CLSTN2: variants seen among roughly 807,000 people sequenced by gnomAD.
CLSTN2 encodes the protein calsyntenin 2, also known as calsyntenin-2.
In CLSTN2, 48 loss-of-function variants were observed where a neutral mutation model predicts 101.2. The observed-to-expected ratio is 0.47, with a 90% confidence interval of 0.38 to 0.60. The LOEUF (loss-of-function observed/expected upper bound fraction) is 0.60, where lower values mean the gene tolerates loss of function less well. Ranked by LOEUF, CLSTN2 falls within the 20% of genes least tolerant of loss-of-function variation. The pLI is 0.00. For synonymous variants in CLSTN2, 481 were observed against 463.6 expected, an observed-to-expected ratio of 1.04 and a Z score of -0.48; for missense variants, 1,160 against 1,238.2, an observed-to-expected ratio of 0.94 and a Z score of 0.95.
chr3:140,528,923 C>CT (rs1425091523), intron 8 of CLSTN2, among the ~76,000 whole-genome samples: 4 of 152,252 alleles, frequency 2.6e-5, no homozygotes, highest in Non-Finnish European at 5.9e-5. Flanking sequence ...TATCTCATAA[C>CT]TTCTGTATCT....
intron 2 of CLSTN2, among the ~76,000 whole-genome samples, chr3:140,392,911 C>T (rs1378278837): frequency 6.6e-6 from 1 of 151,714 alleles, no homozygotes; most frequent in East Asian, 1.9e-4. Flanking sequence ...CTGGTGAGGC[C>T]CTTCTTGCCG....
At chr3:140,109,678 C>T (rs1178262683) in intron 1 of CLSTN2, among the ~76,000 whole-genome samples, 1 of 152,144 alleles carries the variant, frequency 6.6e-6, no homozygotes, top group Non-Finnish European at 1.5e-5. Flanking sequence ...TCTTAGGGAA[C>T]TAAGGAAGTT....
At chr3:139,965,340 C>T (rs143930008) in intron 1 of CLSTN2, among the ~76,000 whole-genome samples, 51 of 152,240 alleles carry the variant, frequency 3.3e-4, no homozygotes, top group African/African-American at 1.2e-3. Context: ...AAGCAAGGAG[C>T]AGGGGCATTT....
At chr3:140,031,511 ATTCTCGCTGTTTTGCTATCCAAC>A (rs2107759970) in intron 1 of CLSTN2, among the ~76,000 whole-genome samples, 1 of 152,340 alleles carries the variant, frequency 6.6e-6, no homozygotes, top group South Asian at 2.1e-4. Context: ...AGCTAGCCAA[ATTCTCGCTGTTTTGCTATCCAAC>A]TTTCAGGAAC....
intron 4 of CLSTN2, among the ~76,000 whole-genome samples, chr3:140,412,955 T>G (rs1236683154): frequency 6.6e-6 from 1 of 151,810 alleles, no homozygotes; most frequent in East Asian, 1.9e-4. Context: ...AAGAAAGATC[T>G]CAAATAAAAA....
intron 8 of CLSTN2, among the ~76,000 whole-genome samples, chr3:140,523,347 T>C (rs1467854139): frequency 6.6e-6 from 1 of 152,174 alleles, no homozygotes; most frequent in East Asian, 1.9e-4. Flanking sequence ...TCATGGACTT[T>C]AAAACTCCAG....
chr3:140,341,955 G>A (rs1370625246), intron 2 of CLSTN2, among the ~76,000 whole-genome samples: 1 of 152,144 alleles, frequency 6.6e-6, no homozygotes, highest in African/African-American at 2.4e-5. Flanking sequence ...TGGAAGGCAA[G>A]GTTCAGTGAG....
intron 8 of CLSTN2, among the ~76,000 whole-genome samples, chr3:140,493,886 C>T (rs996535367): frequency 1.3e-5 from 2 of 152,164 alleles, no homozygotes; most frequent in Non-Finnish European, 2.9e-5. Flanking sequence ...TTGATGCCAA[C>T]CTTTTAGACC....
intron 10 of CLSTN2, among the ~76,000 whole-genome samples, chr3:140,550,769 AC>A (rs1935685953): frequency 6.6e-6 from 1 of 151,402 alleles, no homozygotes; most frequent in African/African-American, 2.4e-5. Flanking sequence ...GGCACAAAAA[AC>A]TGTGGGGACT....
chr3:140,213,549 G>A (rs1257199086), intron 2 of CLSTN2, among the ~76,000 whole-genome samples: 1 of 152,194 alleles, frequency 6.6e-6, no homozygotes, highest in African/African-American at 2.4e-5. Flanking sequence ...CCACAGGCCT[G>A]GGAAGAGATA....
rs139499458 is a variant in CLSTN2 at position 140,538,420 on chromosome 3, T to C, written c.1507+5934T>C. ...GATGCAGAATCCTCACTGTGGCTTT[T>C]GGGAAAAGCCAAGGGAAAAGCCAAA... On this transcript the variant is annotated intron_variant, in intron 9 of 16. Coordinates refer to ENST00000458420, the MANE Select transcript of CLSTN2 (RefSeq NM_022131.3). Among the ~76,000 whole-genome samples the C allele has an allele frequency of 7.2e-3, 1,093 of 152,318 alleles. 5 individuals are homozygous for C. Among genetic ancestry groups the C allele is most frequent in the Non-Finnish European group, 0.012 (812 of 68,036 alleles).
At chr3:140,034,230 C>T (rs1050293307) in intron 1 of CLSTN2, among the ~76,000 whole-genome samples, 2 of 152,038 alleles carry the variant, frequency 1.3e-5, no homozygotes, top group Non-Finnish European at 2.9e-5. Flanking sequence ...TGAATGAATG[C>T]TTATATCAAA....
intron 2 of CLSTN2, among the ~76,000 whole-genome samples, chr3:140,271,122 G>C (rs1438815428): frequency 1.3e-5 from 2 of 152,124 alleles, no homozygotes; most frequent in Non-Finnish European, 2.9e-5. Flanking sequence ...ATGGCTCGGT[G>C]CATCATTGCT....
chr3:140,146,898 T>C, intron 1 of CLSTN2, among the ~76,000 whole-genome samples: 1 of 152,236 alleles, frequency 6.6e-6, no homozygotes, highest in East Asian at 1.9e-4. Flanking sequence ...ATCCATGCAT[T>C]TATTCTTCAA....
At chr3:140,069,591 C>T (rs935609724) in intron 1 of CLSTN2, among the ~76,000 whole-genome samples, 10 of 152,216 alleles carry the variant, frequency 6.6e-5, no homozygotes, top group Non-Finnish European at 1.0e-4. Context: ...TGCTTTGTCT[C>T]CACTAATCCC....
At chr3:140,048,025 T>G (rs537170158) in intron 1 of CLSTN2, among the ~76,000 whole-genome samples, 6 of 152,218 alleles carry the variant, frequency 3.9e-5, no homozygotes, top group East Asian at 3.9e-4. Context: ...AGTTAAAATA[T>G]GAAATATTAA....
chr3:140,060,830 GGT>G (rs1560082978), intron 1 of CLSTN2, among the ~76,000 whole-genome samples: 1 of 152,128 alleles, frequency 6.6e-6, no homozygotes, highest in African/African-American at 2.4e-5. Context: ...GATTTTCGTG[GGT>G]GTGCTATTTC....
At chr3:140,356,772 A>G (rs956915607) in intron 2 of CLSTN2, among the ~76,000 whole-genome samples, 19 of 151,734 alleles carry the variant, frequency 1.3e-4, no homozygotes, top group East Asian at 5.8e-4. Flanking sequence ...AAAAAAAAAA[A>G]AAAGAAAGAA....
chr3:140,563,637 G>C (rs1935967717), intron 15 of CLSTN2, among the ~76,000 whole-genome samples: 1 of 152,196 alleles, frequency 6.6e-6, no homozygotes, highest in African/African-American at 2.4e-5. Context: ...GCTTGGCTCT[G>C]TGGAAGTTTC....
Sources: gnomAD v4.1 joint callset for allele counts (sites outside exome capture counted in the v4.1 genomes callset) on GRCh38, gnomAD v4.1.1 for gene constraint, MANE v1.5 for transcripts, NCBI Gene and HGNC (gene_info 2026-07-23, HGNC 2026-07-21) for gene names.